Variants in SETBP1 observed in about 807,000 individuals in gnomAD.
The protein encoded by SETBP1 is SET-binding protein.
SETBP1 carries 9 observed loss-of-function variants against 101.0 expected under a neutral mutation model. The observed-to-expected ratio is 0.09, with a 90% CI of 0.05 to 0.16. The LOEUF is 0.16. Ranked by LOEUF, SETBP1 falls within the 10% of genes least tolerant of loss-of-function variation. The pLI is 1.00. For synonymous variants in SETBP1, 818 were observed against 788.5 expected, an observed-to-expected ratio of 1.04 and a Z score of -0.63; for missense variants, 1,858 against 2,033.8, an observed-to-expected ratio of 0.91 and a Z score of 1.66.
At chr18:44,924,015 T>C (rs16978233) in intron 3 of SETBP1, among the ~76,000 whole-genome samples, 28 of 152,242 alleles carry the variant, frequency 1.8e-4, no homozygotes, top group South Asian at 6.2e-4. Context: ...AGTCCGTTTT[T>C]TTTTCCTTCT....
intron 4 of SETBP1, chr18:44,986,116 T>C (rs1379069829): frequency 1.3e-5 from 2 of 152,218 alleles, no homozygotes; most frequent in African/African-American, 4.8e-5. Flanking sequence ...CAAACCTCGA[T>C]AGGATAGCCT....
chr18:44,907,091 A>G (rs745611416), intron 3 of SETBP1, among the ~76,000 whole-genome samples: 10 of 152,174 alleles, frequency 6.6e-5, no homozygotes, highest in Non-Finnish European at 1.0e-4. Context: ...CCTTTTCTAG[A>G]TGTAATCAAA....
At position 45,063,543 on chromosome 18, in the gene SETBP1, AAGAC is replaced by A; in HGVS notation, c.4637_4640del (p.Lys1546ThrfsTer33). 1.6e-6 allele frequency: 1 copy of A among 638,038 alleles called. No individual in the cohort carries two copies. The highest frequency in any genetic ancestry group is 1.9e-6 in the Non-Finnish European group (1 of 519,874). 39.5% of individuals were successfully genotyped at this position (638,038 alleles called of 1,614,324 possible). A position where few individuals can be genotyped will look rare whatever the true frequency, so the allele number is the denominator to read the frequency against. ...CCTGCCCCCGCCACCCCCTCTACCC[AAGAC>A]CCCCCGAGGCGGAAAGAGGAAACAC... On this transcript the variant is annotated frameshift_variant, in exon 6 of 6. Transcript: ENST00000649279. LOFTEE classifies it high-confidence loss of function.
intron 2 of SETBP1, among the ~76,000 whole-genome samples, chr18:44,815,835 T>C (rs892999278): frequency 2.6e-5 from 4 of 152,176 alleles, no homozygotes; most frequent in African/African-American, 9.7e-5. Context: ...TGCCCAGGAA[T>C]TGGGGCCTGC....
chr18:45,063,693 C>T lies in SETBP1; in HGVS notation c.4786C>T (p.Pro1596Ser). Residue 1596 changes from proline (P) to serine (S), a missense_variant, in exon 6 of 6, where the codon CCC becomes TCC. Around this residue, in one of 12 missense-constraint regions of SETBP1, gnomAD observed 178 missense variants for 189.1 expected, o/e 0.94. Coordinates refer to ENST00000649279, the MANE Select transcript of SETBP1 (RefSeq NM_015559.3). ...KSRGSESEVLP is the reference protein window; with the variant it reads ...KSRGSESEVLS Reference sequence around the variant, plus strand: ...CCGAGGGAGTGAGAGCGAGGTCCTTCCCTAGGGCGGGTCTGGGCGTCTGCA... The same window carrying T: ...CCGAGGGAGTGAGAGCGAGGTCCTTTCCTAGGGCGGGTCTGGGCGTCTGCA... 6.2e-7 allele frequency: 1 copy of T among 1,606,814 alleles called. No homozygotes were observed. The highest frequency in any genetic ancestry group is 1.1e-5 in the South Asian group (1 of 89,526).
intron 2 of SETBP1, among the ~76,000 whole-genome samples, chr18:44,723,509 A>G (rs897080938): frequency 5.9e-5 from 9 of 151,700 alleles, no homozygotes; most frequent in East Asian, 1.9e-4. Context: ...GGCGGGGGGA[A>G]AAAAAACAAC....
intron 4 of SETBP1, among the ~76,000 whole-genome samples, chr18:44,980,327 C>T (rs958309072): frequency 1.3e-4 from 20 of 152,078 alleles, no homozygotes; most frequent in African/African-American, 4.6e-4. Context: ...TGCGTCTTGT[C>T]ACAAACCATG....
chr18:44,990,001 T>C (rs2072331091), intron 4 of SETBP1, among the ~76,000 whole-genome samples: 1 of 146,384 alleles, frequency 6.8e-6, no homozygotes, highest in Non-Finnish European at 1.5e-5. Context: ...TTAGCCAACA[T>C]CTCAACAGTA....
intron 4 of SETBP1, among the ~76,000 whole-genome samples, chr18:44,982,969 T>G (rs147011563): frequency 4.5e-4 from 68 of 152,278 alleles, no homozygotes; most frequent in Non-Finnish European, 7.5e-4. Flanking sequence ...GATGCTTAAC[T>G]TCAGCCCTGA....
intron 3 of SETBP1, among the ~76,000 whole-genome samples, chr18:44,885,713 T>C (rs2069626029): frequency 1.3e-5 from 2 of 151,724 alleles, no homozygotes; most frequent in South Asian, 4.2e-4. Context: ...TCAAGGTCAC[T>C]GACAACCTGA....
chr18:44,809,559 C>A (rs1810086565), intron 2 of SETBP1, among the ~76,000 whole-genome samples: 1 of 152,120 alleles, frequency 6.6e-6, no homozygotes, highest in Non-Finnish European at 1.5e-5. Flanking sequence ...AAAAGTTACC[C>A]ATGGCCTTTA....
Position 44,950,895 on chromosome 18 carries a change from C to T in SETBP1, c.1555C>T (p.Pro519Ser). 1 of 1,614,140 alleles carries T rather than the reference C, an allele frequency of 6.2e-7. No individual in the cohort carries two copies. The highest frequency in any genetic ancestry group is 1.1e-5 in the South Asian group (1 of 91,074). ...CTDHSPSRKL[P>S]EIQHPKFAAK... ...AGATCACTCTCCATCCAGAAAGCTGCCAGAAATCCAGCATCCAAAATTTGC... is the reference window on the plus strand; with the variant it reads ...AGATCACTCTCCATCCAGAAAGCTGTCAGAAATCCAGCATCCAAAATTTGC... Residue 519 changes from proline to serine, a missense_variant, in exon 4 of 6, where the codon CCA becomes TCA. Pro to Ser is a moderately conservative substitution (Grantham distance 74). This residue lies in a region of SETBP1 where 581 missense variants were observed against 535.1 expected (regional missense o/e 1.09). Coordinates refer to ENST00000649279, the MANE Select transcript of SETBP1 (RefSeq NM_015559.3).
chr18:44,716,756 T>A (rs1490337037), intron 2 of SETBP1, among the ~76,000 whole-genome samples: 1 of 152,068 alleles, frequency 6.6e-6, no homozygotes, highest in Non-Finnish European at 1.5e-5. Flanking sequence ...AGAGAAGGTG[T>A]TTCCCCATCT....
chr18:44,908,840 A>T (rs2070238695), intron 3 of SETBP1, among the ~76,000 whole-genome samples: 1 of 152,220 alleles, frequency 6.6e-6, no homozygotes. Context: ...CCCCCAAAAT[A>T]TAACTCTGCT....
chr18:45,011,887 A>G (rs2072845729), intron 4 of SETBP1, among the ~76,000 whole-genome samples: 1 of 152,194 alleles, frequency 6.6e-6, no homozygotes, highest in African/African-American at 2.4e-5. Flanking sequence ...TCATAGTAAG[A>G]CTTTGTACCT....
chr18:44,999,988 A>G (rs1401310440), intron 4 of SETBP1, among the ~76,000 whole-genome samples: 2 of 152,252 alleles, frequency 1.3e-5, no homozygotes, highest in Non-Finnish European at 2.9e-5. Context: ...TCTTGTTTTA[A>G]CCACAGATTA....
At position 44,701,332 on chromosome 18, in the gene SETBP1, A is replaced by G; in HGVS notation, c.-15A>G. ...TTCCCCCTCCTGAGAACTCCGGAAG[A>G]CTGTAGAGATTGTCATGGAGTCCAG... On this transcript the variant is annotated 5_prime_UTR_variant, in exon 2 of 6. Transcript: ENST00000649279. The G allele has an allele frequency of 2.0e-6, 3 of 1,472,128 alleles. No individual in the cohort carries two copies. Among genetic ancestry groups the G allele is most frequent in the Non-Finnish European group, 2.7e-6 (3 of 1,109,766 alleles). 91.2% of individuals were successfully genotyped at this position (1,472,128 alleles called of 1,614,324 possible).
At position 44,903,577 on chromosome 18, in the gene SETBP1, G is replaced by A. The variant is rs532189636; in HGVS notation, c.540+34294G>A. ...CAAAGAAATGGAAGGCACAGTCCTT[G>A]CCCTCAAAAACTTGATAAAGCAGTC... is the stretch of plus-strand genomic sequence containing the variant. On this transcript the variant is annotated intron_variant, in intron 3 of 5. Transcript: ENST00000649279. Among the ~76,000 whole-genome samples, 3 of 152,292 alleles carry A rather than the reference G, an allele frequency of 2.0e-5. No individual in the cohort carries two copies. In the South Asian group the frequency reaches 6.2e-4, roughly 32 times the overall value.
rs949645134 is a variant in SETBP1 at position 44,701,206 on chromosome 18, C to T, written c.-141C>T. 2.9e-5 allele frequency: 25 copies of T among 859,156 alleles called. No individual in the cohort carries two copies. The Admixed American group carries it at 4.2e-4, about 14-fold the overall frequency. The allele number at this position is 859,156 out of a possible 1,614,324, so 53.2% of individuals were successfully genotyped here. On this transcript the variant is annotated 5_prime_UTR_variant, in exon 2 of 6. Transcript: ENST00000649279. ...ATCTGATCTCTTCTGAACACCTCAT[C>T]GTGTCTCCATCCCTGGGAATCTGAC...
Sources: allele counts gnomAD v4.1 joint callset (sites outside exome capture counted in the v4.1 genomes callset), GRCh38; gene constraint gnomAD v4.1.1; regional missense constraint gnomAD v4.1.1; transcripts MANE v1.5; gene names NCBI Gene and HGNC (gene_info 2026-07-23, HGNC 2026-07-21).